SLC15A1: variants seen among roughly 807,000 people sequenced by gnomAD.
The protein encoded by SLC15A1 is Caco-2 oligopeptide transporter.
In SLC15A1, 83 loss-of-function variants were observed where a neutral mutation model predicts 92.9. The ratio of observed to expected loss-of-function variants is 0.89; its 90% CI spans 0.75 to 1.07. SLC15A1 has a LOEUF of 1.07. SLC15A1 is among the 50% of genes least tolerant of loss of function. The pLI is 0.00. For missense variants in SLC15A1, 857 were observed against 880.1 expected, an observed-to-expected ratio of 0.97 and a Z score of 0.33; for synonymous variants, 322 against 318.2, an observed-to-expected ratio of 1.01 and a Z score of -0.13.
chr13:98,703,178 AAGGGAGGG>A (rs1180852006), intron 17 of SLC15A1, among the ~76,000 whole-genome samples: 2 of 129,570 alleles, frequency 1.5e-5, no homozygotes, highest in Non-Finnish European at 3.3e-5. Context: ...GGAAGGAAGG[AAGGGAGGG>A]AGGGAGGGAG....
rs528865683 is a variant in SLC15A1 at position 98,692,136 on chromosome 13, CTTTTTTTTTTTTTT to C, written c.1467-3573_1467-3560del. Among the ~76,000 whole-genome samples the C allele has an allele frequency of 5.5e-4, 37 of 67,640 alleles. 1 individual carries two copies. The highest frequency in any genetic ancestry group is 3.8e-3 in the South Asian group (6 of 1,596). 44.4% of individuals were successfully genotyped at this position (67,640 alleles called of 152,430 possible). A position where few individuals can be genotyped will look rare whatever the true frequency, so the allele number is the denominator to read the frequency against. On this transcript the variant is annotated intron_variant, in intron 18 of 22. Coordinates refer to ENST00000376503, the MANE Select transcript of SLC15A1 (RefSeq NM_005073.4). ...AGGAGTCCCCCTCTCTTCTCCTAAACTTTTTTTTTTTTTTTTTTTTTTTTTTTTTTTTTTTAAGA... is the reference window on the plus strand; with the variant it reads ...AGGAGTCCCCCTCTCTTCTCCTAAACTTTTTTTTTTTTTTTTTTTTTAAGA...
chr13:98,741,968 G>A, intron 1 of SLC15A1, among the ~76,000 whole-genome samples: 1 of 152,214 alleles, frequency 6.6e-6, no homozygotes, highest in Non-Finnish European at 1.5e-5. Context: ...TGGTGCTGAA[G>A]GGAGACTGTG....
Position 98,702,670 on chromosome 13 carries a change from T to A in SLC15A1, c.1417-141A>T. 15 of 693,354 alleles carry A rather than the reference T, an allele frequency of 2.2e-5. No individual in the cohort carries two copies. The South Asian group carries it at 2.7e-4, about 12-fold the overall frequency. 43.0% of individuals were successfully genotyped at this position (693,354 alleles called of 1,614,324 possible). A position where few individuals can be genotyped will look rare whatever the true frequency, so the allele number is the denominator to read the frequency against. Reference sequence around the variant, plus strand: ...GGACATGGTTACATTAGAAGGGCTCTGGAGGCCGGGCACAGTAGCTCACAC... The same window carrying A: ...GGACATGGTTACATTAGAAGGGCTCAGGAGGCCGGGCACAGTAGCTCACAC... On this transcript the variant is annotated intron_variant, in intron 17 of 22. Coordinates refer to ENST00000376503, the MANE Select transcript of SLC15A1 (RefSeq NM_005073.4).
chr13:98,687,738 G>C lies in SLC15A1; in HGVS notation c.1684-14C>G. The C allele has an allele frequency of 6.2e-7, 1 of 1,608,154 alleles. No homozygotes were observed. ...GCAGCTGTCATTCTGCAGCAGTAAGGCAAAAGCAGAAGAAGTTGAGATAGC... is the reference window on the plus strand; with the variant it reads ...GCAGCTGTCATTCTGCAGCAGTAAGCCAAAAGCAGAAGAAGTTGAGATAGC... On this transcript the variant is annotated splice_polypyrimidine_tract_variant and intron_variant, in intron 20 of 22. Coordinates refer to ENST00000376503, the MANE Select transcript of SLC15A1 (RefSeq NM_005073.4).
At chr13:98,695,841 T>C (rs1405499854) in intron 18 of SLC15A1, among the ~76,000 whole-genome samples, 2 of 152,176 alleles carry the variant, frequency 1.3e-5, no homozygotes, top group African/African-American at 2.4e-5. Context: ...AATTCACATA[T>C]TGCTCAGAAG....
intron 9 of SLC15A1, among the ~76,000 whole-genome samples, chr13:98,715,491 T>C (rs1459168312): frequency 6.6e-6 from 1 of 152,112 alleles, no homozygotes; most frequent in Non-Finnish European, 1.5e-5. Context: ...TACTCTTAAT[T>C]CTTGAAAGCA....
chr13:98,686,377 C>G, intron 21 of SLC15A1, 80 bp from the exon 22 acceptor site: 1 of 935,830 alleles, frequency 1.1e-6, no homozygotes. Context: ...ATGGGCGTTT[C>G]GTGAAGCAGA....
At position 98,726,447 on chromosome 13, in the gene SLC15A1, A is replaced by G. The variant is rs1479355031; in HGVS notation, c.24T>C (p.Ser8=). ...AGATGCTCAGGGGATAACCAAAGAA[A>G]CTCTGACAAAAAAGAAACAAGCACA... MGMSKSH[S]FFGYPLSIFF... Residue 8 remains serine, a splice_region_variant and synonymous_variant, in exon 3 of 23, where the codon AGT becomes AGC. Transcript: ENST00000376503. 2 of 1,613,486 alleles carry G rather than the reference A, an allele frequency of 1.2e-6. No individual in the cohort carries two copies. Among genetic ancestry groups the G allele is most frequent in the African/African-American group, 2.7e-5 (2 of 74,846 alleles).
chr13:98,745,378 G>A lies in SLC15A1; in HGVS notation c.4+7217C>T, dbSNP rs546836049. On this transcript the variant is annotated intron_variant, in intron 1 of 22. Transcript: ENST00000376503. ...AGAGAATACTTTCTGTTACCATGTC[G>A]GGGTGTCGAATAGTGTCCTGCCCAT... Among the ~76,000 whole-genome samples the A allele has an allele frequency of 5.9e-5, 9 of 152,256 alleles. No individual in the cohort carries two copies. In the South Asian group the frequency reaches 1.5e-3, roughly 25 times the overall value.
At chr13:98,719,171 C>A in intron 8 of SLC15A1, 66 bp downstream of exon 8, 1 of 1,156,578 alleles carries the variant, frequency 8.6e-7, no homozygotes, top group East Asian at 2.4e-5. Flanking sequence ...AAAAATTAGT[C>A]ACAATCATTC....
At chr13:98,726,596 T>C in intron 2 of SLC15A1, 147 bp from the exon 3 acceptor site, 2 of 801,268 alleles carry the variant, frequency 2.5e-6, no homozygotes, top group Non-Finnish European at 4.3e-6. Context: ...CATTTAATCA[T>C]TTTATTCCCT....
intron 15 of SLC15A1, 75 bp downstream of exon 15, chr13:98,708,611 C>T: frequency 1.5e-6 from 2 of 1,327,094 alleles, no homozygotes; most frequent in African/African-American, 1.5e-5. Context: ...CCCCTTCATG[C>T]TGAAGAAAGA....
At chr13:98,701,214 C>A (rs2088064129) in intron 18 of SLC15A1, among the ~76,000 whole-genome samples, 1 of 152,136 alleles carries the variant, frequency 6.6e-6, no homozygotes, top group Non-Finnish European at 1.5e-5. Flanking sequence ...CTTTCATAAG[C>A]AATTTTGTAG....
At position 98,684,393 on chromosome 13, in the gene SLC15A1, A is replaced by T. The variant is rs1348572331; in HGVS notation, c.*331T>A. The T allele has an allele frequency of 5.5e-6, 1 of 183,470 alleles. No homozygotes were observed. Among genetic ancestry groups the T allele is most frequent in the African/African-American group, 2.4e-5 (1 of 42,248 alleles). The allele number at this position is 183,470 out of a possible 1,614,324, so 11.4% of individuals were successfully genotyped here. On this transcript the variant is annotated 3_prime_UTR_variant, in exon 23 of 23. Transcript: ENST00000376503. ...AAACCCCATCTCTACTAAAAATACA[A>T]AAATAGCTGGGCGTGGTGGTGCATG...
intron 1 of SLC15A1, among the ~76,000 whole-genome samples, chr13:98,738,726 C>T (rs938972831): frequency 1.3e-4 from 20 of 152,350 alleles, no homozygotes; most frequent in Admixed American, 7.8e-4. Context: ...GCTGCAGGGG[C>T]GGAGCACTCA....
Position 98,704,386 on chromosome 13 carries a change from A to G in SLC15A1, c.1319T>C (p.Ile440Thr). Reference protein sequence around the residue: ...FDVNKLTRINISSPGSPVTAV... With the variant: ...FDVNKLTRINTSSPGSPVTAV... Reference sequence around the variant, plus strand: ...AGTGACTGGTGATCCAGGAGAAGAAATGTTTATCCTTGTCAGTTTGTTTAC... The same window carrying G: ...AGTGACTGGTGATCCAGGAGAAGAAGTGTTTATCCTTGTCAGTTTGTTTAC... Residue 440 changes from isoleucine to threonine, a missense_variant, in exon 17 of 23, where the codon ATT becomes ACT. Coordinates refer to ENST00000376503, the MANE Select transcript of SLC15A1 (RefSeq NM_005073.4). 6.2e-7 allele frequency: 1 copy of G among 1,613,932 alleles called. No individual in the cohort carries two copies. Among genetic ancestry groups the G allele is most frequent in the Non-Finnish European group, 8.5e-7 (1 of 1,179,908 alleles).
At chr13:98,718,892 A>T (rs367638056) in intron 8 of SLC15A1, among the ~76,000 whole-genome samples, 52 of 152,174 alleles carry the variant, frequency 3.4e-4, no homozygotes, top group African/African-American at 1.3e-3. Context: ...AACTCAAGGG[A>T]TCCCCCTGCC....
At chr13:98,730,137 A>C (rs2088335566) in intron 1 of SLC15A1, among the ~76,000 whole-genome samples, 1 of 150,776 alleles carries the variant, frequency 6.6e-6, no homozygotes, top group Non-Finnish European at 1.5e-5. Flanking sequence ...CGGAGGATGC[A>C]GTGAGCTGAA....
intron 16 of SLC15A1, 73 bp from the exon 17 acceptor site, chr13:98,704,508 C>A: frequency 7.1e-7 from 1 of 1,400,502 alleles, no homozygotes; most frequent in Non-Finnish European, 9.7e-7. Flanking sequence ...GCTGGAAGAG[C>A]AGTTATCTGA....
Sources: allele counts gnomAD v4.1 joint callset (sites outside exome capture counted in the v4.1 genomes callset), GRCh38; gene constraint gnomAD v4.1.1; transcripts MANE v1.5; gene names NCBI Gene and HGNC (gene_info 2026-07-23, HGNC 2026-07-21).